Variants in FAM98B observed in about 807,000 individuals in gnomAD.
The protein encoded by FAM98B is tRNA-splicing ligase complex subunit FAM98B.
FAM98B carries 32 observed loss-of-function variants against 43.9 expected under a neutral mutation model. The observed-to-expected ratio is 0.73, with a 90% CI of 0.55 to 0.98. FAM98B has a LOEUF of 0.98. Among genes scored for constraint, FAM98B ranks in the 50% least tolerant of loss-of-function variants. The probability of loss-of-function intolerance (pLI) is 0.00; values close to 1 mark genes in which losing one functional copy is unlikely to be tolerated. For synonymous variants in FAM98B, 190 were observed against 174.0 expected (o/e 1.09, Z -0.72); for missense variants, 514 against 522.9 (o/e 0.98, Z 0.17).
chr15:38,454,365 C>T (rs1889814383), intron 1 of FAM98B, 133 bp downstream of exon 1: 3 of 870,492 alleles, frequency 3.4e-6, no homozygotes, highest in African/African-American at 1.7e-5. Context: ...TCGATCCCTC[C>T]GGCGCCGACG....
At chr15:38,466,874 ACT>A (rs1433487591) in intron 3 of FAM98B, among the ~76,000 whole-genome samples, 2 of 152,086 alleles carry the variant, frequency 1.3e-5, no homozygotes, top group African/African-American at 2.4e-5. Flanking sequence ...TACACACAAC[ACT>A]CTCACACTCG....
At chr15:38,459,622 G>A (rs1889913754) in intron 1 of FAM98B, 2 of 197,200 alleles carry the variant, frequency 1.0e-5, no homozygotes, top group South Asian at 8.5e-5. Context: ...CTGGGTTTGG[G>A]CTTGCTGCAA....
chr15:38,477,269 C>T (rs544910733), intron 6 of FAM98B, among the ~76,000 whole-genome samples: 27 of 129,254 alleles, frequency 2.1e-4, no homozygotes, highest in Middle Eastern at 4.2e-3. Flanking sequence ...GTCTTTGTAG[C>T]TGCTCATTTT....
intron 6 of FAM98B, among the ~76,000 whole-genome samples, chr15:38,478,812 A>G (rs780986181): frequency 5.3e-5 from 8 of 152,214 alleles, no homozygotes; most frequent in Middle Eastern, 3.2e-3. Flanking sequence ...TTTTACTAGT[A>G]TTGAGATAAT....
chr15:38,473,303 C>CTA (rs1342277675), intron 4 of FAM98B, among the ~76,000 whole-genome samples: 1 of 152,106 alleles, frequency 6.6e-6, no homozygotes, highest in Admixed American at 6.6e-5. Flanking sequence ...AAAGAATGTG[C>CTA]TCTATAGCTT....
intron 7 of FAM98B, 35 bp from the exon 8 acceptor site, chr15:38,484,220 T>A (rs1319740019): frequency 3.3e-6 from 5 of 1,533,466 alleles, no homozygotes; most frequent in Non-Finnish European, 4.4e-6. Context: ...TTTTTTGAAA[T>A]ATTAGGAACT....
chr15:38,480,577 T>G (rs1233840871), intron 6 of FAM98B, among the ~76,000 whole-genome samples: 1 of 137,360 alleles, frequency 7.3e-6, no homozygotes, highest in Non-Finnish European at 1.7e-5. Flanking sequence ...TTTCTATGCC[T>G]CATTTTTTTT....
chr15:38,471,661 A>G (rs1215596385), intron 4 of FAM98B, among the ~76,000 whole-genome samples: 1 of 152,064 alleles, frequency 6.6e-6, no homozygotes, highest in African/African-American at 2.4e-5. Context: ...TTCCTACTCT[A>G]TTCAGTTTTT....
intron 4 of FAM98B, among the ~76,000 whole-genome samples, chr15:38,472,654 C>G (rs1203148091): frequency 6.6e-6 from 1 of 152,012 alleles, no homozygotes; most frequent in African/African-American, 2.4e-5. Flanking sequence ...CAACTGTGCC[C>G]ATTTACAGTT....
chr15:38,467,962 T>G (rs895943286), intron 3 of FAM98B, among the ~76,000 whole-genome samples: 75 of 152,202 alleles, frequency 4.9e-4, no homozygotes, highest in Admixed American at 6.5e-5. Flanking sequence ...CTAGGTATCT[T>G]GAATACATAC....
chr15:38,481,371 A>T lies in FAM98B; in HGVS notation c.809A>T (p.His270Leu). The change falls in exon 7 of 8, where the codon CAT becomes CTT. Residue 270 changes from histidine to leucine, a missense_variant. Around this residue, in one of 2 missense-constraint regions of FAM98B, gnomAD observed 469 missense variants for 451.8 expected, o/e 1.04. Transcript: ENST00000397609. ...CCCAAGACAACGATTACAATGGCAC[A>T]TCTACTTGCTGCTCGTGAAGATCTA... is the stretch of plus-strand genomic sequence containing the variant. Reference protein sequence around the residue: ...LSPKTTITMAHLLAAREDLSK... With the variant: ...LSPKTTITMALLLAAREDLSK... 1.9e-6 allele frequency: 3 copies of T among 1,614,222 alleles called. No individual in the cohort carries two copies. The highest frequency in any genetic ancestry group is 2.5e-6 in the Non-Finnish European group (3 of 1,180,038).
chr15:38,456,109 TG>T (rs753415926), intron 1 of FAM98B, among the ~76,000 whole-genome samples: 9 of 152,238 alleles, frequency 5.9e-5, no homozygotes, highest in Admixed American at 5.9e-4. Context: ...AATAAATTAA[TG>T]GGAGGCATTT....
At chr15:38,470,436 T>C in intron 4 of FAM98B, 31 bp downstream of exon 4, 4 of 1,548,846 alleles carry the variant, frequency 2.6e-6, no homozygotes, top group Admixed American at 2.1e-5. Flanking sequence ...TCCCCAAAAT[T>C]CAACTGAATG....
At chr15:38,463,224 C>T (rs1200204378) in intron 1 of FAM98B, among the ~76,000 whole-genome samples, 8 of 152,098 alleles carry the variant, frequency 5.3e-5, no homozygotes, top group East Asian at 1.9e-4. Context: ...AGGCCAGGCA[C>T]GGTGGCTCAC....
In FAM98B at chr15:38,454,174, G is replaced by T; in HGVS notation, c.13G>T (p.Glu5Ter). The change falls in exon 1 of 8, where the codon GAG becomes TAG. Residue 5 changes from glutamate (E) to a stop codon, truncating the protein, a stop_gained. Transcript: ENST00000397609. LOFTEE classifies it high-confidence loss of function. ...GGGCCAAAGGACCATGAGAGGGCCGGAGCCGGGTCCCCAACCGACGATGGA... is the reference window on the plus strand; with the variant it reads ...GGGCCAAAGGACCATGAGAGGGCCGTAGCCGGGTCCCCAACCGACGATGGA... MRGP[E>*]PGPQPTMEGD... 1 of 1,600,420 alleles carries T rather than the reference G, an allele frequency of 6.2e-7. No homozygotes were observed. The highest frequency in any genetic ancestry group is 8.5e-7 in the Non-Finnish European group (1 of 1,174,960).
intron 3 of FAM98B, among the ~76,000 whole-genome samples, chr15:38,469,228 T>C (rs1890086395): frequency 9.0e-6 from 1 of 111,594 alleles, no homozygotes; most frequent in Admixed American, 9.1e-5. Flanking sequence ...TTACCTACCG[T>C]AGTGAAGAGT....
At chr15:38,455,077 G>C (rs562764855) in intron 1 of FAM98B, among the ~76,000 whole-genome samples, 1 of 151,954 alleles carries the variant, frequency 6.6e-6, no homozygotes, top group African/African-American at 2.4e-5. Context: ...CTTCTCCCTC[G>C]TTTTATTCCT....
chr15:38,481,299 C>T lies in FAM98B; in HGVS notation c.737C>T (p.Thr246Ile). 1 of 1,612,860 alleles carries T rather than the reference C, an allele frequency of 6.2e-7. No individual in the cohort carries two copies. ...FGWSDRAKVK[T>I]DDIARIYQPK... ...TTAACTCTTGTCATTTAGGTAAAAA[C>T]AGATGATATAGCAAGAATTTATCAG... Residue 246 changes from threonine to isoleucine, a missense_variant, in exon 7 of 8, where the codon ACA (threonine) becomes ATA (isoleucine). Around this residue, in one of 2 missense-constraint regions of FAM98B, gnomAD observed 469 missense variants for 451.8 expected, o/e 1.04. Coordinates refer to ENST00000397609, the MANE Select transcript of FAM98B (RefSeq NM_173611.4).
chr15:38,465,234 C>T (rs751278043), intron 2 of FAM98B, 35 bp from the exon 3 acceptor site: 3 of 1,580,274 alleles, frequency 1.9e-6, no homozygotes, highest in Non-Finnish European at 1.7e-6. Flanking sequence ...ATGGTAAATG[C>T]TCAGTAAATG....
Sources: gnomAD v4.1 joint callset for allele counts (sites outside exome capture counted in the v4.1 genomes callset) on GRCh38, gnomAD v4.1.1 for gene constraint, gnomAD v4.1.1 regional missense constraint, MANE v1.5 for transcripts, NCBI Gene and HGNC (gene_info 2026-07-23, HGNC 2026-07-21) for gene names.